Variants in SUGCT observed in about 807,000 individuals in gnomAD.
The protein encoded by SUGCT is succinyl-CoA:glutarate-CoA transferase, also known as succinyl-CoA:glutarate CoA-transferase.
In SUGCT, 41 loss-of-function variants were observed where a neutral mutation model predicts 55.0. The observed-to-expected ratio is 0.74, with a 90% CI of 0.58 to 0.97. The LOEUF (loss-of-function observed/expected upper bound fraction) is 0.97. Ranked by LOEUF, SUGCT falls within the 50% of genes least tolerant of loss-of-function variation. SUGCT has a pLI of 0.00. For synonymous variants in SUGCT, 187 were observed against 200.4 expected, an observed-to-expected ratio of 0.93 and a Z score of 0.56; for missense variants, 568 against 547.8, an observed-to-expected ratio of 1.04 and a Z score of -0.37.
At chr7:40,891,869 G>A in the SUGCT span, among the ~76,000 whole-genome samples, 1 of 152,104 alleles carries the variant, frequency 6.6e-6, no homozygotes, top group Non-Finnish European at 1.5e-5. Context: ...TCAGCTGGGT[G>A]TGGTGGTGCA....
intron 1 of SUGCT, among the ~76,000 whole-genome samples, chr7:40,142,192 A>G (rs1788025888): frequency 6.6e-6 from 1 of 152,152 alleles, no homozygotes; most frequent in Non-Finnish European, 1.5e-5. Flanking sequence ...GGAATGAGTC[A>G]GGGTGGAGCA....
chr7:40,561,225 A>T (rs1457140895), intron 12 of SUGCT, among the ~76,000 whole-genome samples: 1 of 152,232 alleles, frequency 6.6e-6, no homozygotes, highest in African/African-American at 2.4e-5. Flanking sequence ...TGTGTAGTAG[A>T]TAGACTTTAC....
chr7:40,274,714 T>C, intron 8 of SUGCT, 58 bp downstream of exon 8: 1 of 1,510,290 alleles, frequency 6.6e-7, no homozygotes, highest in Non-Finnish European at 9.2e-7. Context: ...GGGTTATACC[T>C]TTTCAGATCA....
intron 1 of SUGCT, among the ~76,000 whole-genome samples, chr7:40,144,270 G>C (rs1788134270): frequency 6.6e-6 from 1 of 152,182 alleles, no homozygotes; most frequent in East Asian, 1.9e-4. Context: ...AAATGCAATA[G>C]TTTGAAGAGA....
intron 12 of SUGCT, among the ~76,000 whole-genome samples, chr7:40,563,537 C>G (rs1795958463): frequency 6.7e-6 from 1 of 148,970 alleles, no homozygotes; most frequent in South Asian, 2.1e-4. Flanking sequence ...GAGACCTTGT[C>G]TTTACAAAAA....
intron 12 of SUGCT, among the ~76,000 whole-genome samples, chr7:40,743,704 C>A (rs1322090887): frequency 6.6e-6 from 1 of 152,018 alleles, no homozygotes; most frequent in African/African-American, 2.4e-5. Context: ...AATGAATGTA[C>A]CCCAAAGCCA....
rs374009595 is a variant in SUGCT at position 40,561,555 on chromosome 7, A to T, written c.1089+65169A>T. Among the ~76,000 whole-genome samples the T allele has an allele frequency of 1.5e-4, 23 of 152,226 alleles. No homozygotes were observed. The East Asian group carries it at 4.3e-3, about 28-fold the overall frequency. ...GGCTAAAGTTACCAACAGGAATAAGACAAACACAGTGGATTCAATAACCCT... is the reference window on the plus strand; with the variant it reads ...GGCTAAAGTTACCAACAGGAATAAGTCAAACACAGTGGATTCAATAACCCT... On this transcript the variant is annotated intron_variant, in intron 12 of 13. Transcript: ENST00000335693.
the SUGCT span, among the ~76,000 whole-genome samples, chr7:40,914,273 T>C: frequency 7.3e-6 from 1 of 137,178 alleles, no homozygotes; most frequent in African/African-American, 3.1e-5. Flanking sequence ...TATTTTTTTC[T>C]TTTTCTTTTT....
At chr7:40,143,595 C>T (rs567424151) in intron 1 of SUGCT, among the ~76,000 whole-genome samples, 43 of 152,324 alleles carry the variant, frequency 2.8e-4, no homozygotes, top group South Asian at 8.3e-4. Context: ...AACGTGCAGA[C>T]GGAATATTTG....
At chr7:40,400,221 T>C (rs1785987432) in intron 9 of SUGCT, among the ~76,000 whole-genome samples, 1 of 152,204 alleles carries the variant, frequency 6.6e-6, no homozygotes, top group Non-Finnish European at 1.5e-5. Flanking sequence ...TCTTTCTTCC[T>C]GTTAGTATGG....
At chr7:40,863,115 CT>C (rs1794524354), downstream of SUGCT, among the ~76,000 whole-genome samples, 1 of 152,068 alleles carries the variant, frequency 6.6e-6, no homozygotes, top group Non-Finnish European at 1.5e-5. Context: ...GGGTGCCTGC[CT>C]TCCCAGCTAC....
the SUGCT span, among the ~76,000 whole-genome samples, chr7:40,974,813 ATG>A: frequency 2.4e-3 from 359 of 152,308 alleles, 7 homozygotes; most frequent in Non-Finnish European, 5.9e-4. Context: ...AAAGTACATT[ATG>A]TGTACCAAGT....
intron 9 of SUGCT, among the ~76,000 whole-genome samples, chr7:40,337,845 G>A (rs1351858494): frequency 6.6e-6 from 1 of 151,986 alleles, no homozygotes; most frequent in Non-Finnish European, 1.5e-5. Context: ...TCCTAGCCTC[G>A]GTGGTCTTTA....
intron 9 of SUGCT, among the ~76,000 whole-genome samples, chr7:40,326,614 C>A (rs1796039778): frequency 6.6e-6 from 1 of 152,064 alleles, no homozygotes; most frequent in Non-Finnish European, 1.5e-5. Flanking sequence ...GAAATTGTAG[C>A]CTTCAGCTCA....
the SUGCT span, among the ~76,000 whole-genome samples, chr7:40,982,902 G>A: frequency 6.6e-6 from 1 of 152,164 alleles, no homozygotes; most frequent in Non-Finnish European, 1.5e-5. Context: ...GCCCACCTCA[G>A]CCTCCCAACG....
intron 7 of SUGCT, among the ~76,000 whole-genome samples, chr7:40,266,004 A>G (rs186426621): frequency 1.3e-5 from 2 of 152,240 alleles, no homozygotes; most frequent in Admixed American, 1.3e-4. Flanking sequence ...CTTCACAGGT[A>G]GTGGTGTGGT....
intron 9 of SUGCT, 26 bp downstream of exon 9, chr7:40,316,881 G>T: frequency 7.7e-7 from 1 of 1,299,502 alleles, no homozygotes; most frequent in Non-Finnish European, 1.0e-6. Flanking sequence ...TCTAGGGTTG[G>T]GCTGTTGTAA....
chr7:40,715,891 C>A (rs932409291), intron 12 of SUGCT, among the ~76,000 whole-genome samples: 1 of 152,156 alleles, frequency 6.6e-6, no homozygotes, highest in Non-Finnish European at 1.5e-5. Flanking sequence ...TCTTTGTTCT[C>A]CTGTTGCACC....
chr7:41,018,452 G>A, the SUGCT span, among the ~76,000 whole-genome samples: 1 of 152,256 alleles, frequency 6.6e-6, no homozygotes, highest in Admixed American at 6.5e-5. Context: ...AATGAGAAAC[G>A]GATAGCCACC....
Sources: gnomAD v4.1 joint callset for allele counts (sites outside exome capture counted in the v4.1 genomes callset) on GRCh38, gnomAD v4.1.1 for gene constraint, MANE v1.5 for transcripts, NCBI Gene and HGNC (gene_info 2026-07-23, HGNC 2026-07-21) for gene names.